The following ZNF804B variants were observed in gnomAD, a reference collection of about 807,000 sequenced individuals.
The protein encoded by ZNF804B is zinc finger 804B.
In ZNF804B, 80 loss-of-function variants were observed where a neutral mutation model predicts 101.4. The observed-to-expected ratio is 0.79, with a 90% CI of 0.66 to 0.95. The LOEUF (loss-of-function observed/expected upper bound fraction) is 0.95, where lower values mean the gene tolerates loss of function less well. ZNF804B is among the 40% of genes least tolerant of loss of function. The pLI is 0.00. For synonymous variants in ZNF804B, 622 were observed against 558.8 expected (o/e 1.11, Z -1.59); for missense variants, 1,673 against 1,561.9 (o/e 1.07, Z -1.20).
chr7:88,829,395 C>A (rs1024599867), intron 1 of ZNF804B, among the ~76,000 whole-genome samples: 36 of 152,108 alleles, frequency 2.4e-4, no homozygotes, highest in Middle Eastern at 3.4e-3. Context: ...TTTAGGAAAT[C>A]TTCTTGGTGG....
chr7:88,841,554 C>G (rs528807219), intron 1 of ZNF804B, among the ~76,000 whole-genome samples: 1 of 152,270 alleles, frequency 6.6e-6, no homozygotes, highest in African/African-American at 2.4e-5. Context: ...TTCCTAGACT[C>G]TTTGTAGCTC....
At chr7:88,918,843 A>G (rs1387582356) in intron 1 of ZNF804B, among the ~76,000 whole-genome samples, 2 of 152,116 alleles carry the variant, frequency 1.3e-5, no homozygotes, top group African/African-American at 2.4e-5. Flanking sequence ...GCTTGGATGT[A>G]TACACATATG....
intron 1 of ZNF804B, among the ~76,000 whole-genome samples, chr7:88,860,354 ATCCT>A (rs1245183090): frequency 6.6e-6 from 1 of 152,068 alleles, no homozygotes; most frequent in African/African-American, 2.4e-5. Flanking sequence ...AGTATATTTT[ATCCT>A]TCCTTTAAAT....
intron 1 of ZNF804B, among the ~76,000 whole-genome samples, chr7:88,765,160 A>G (rs1789962024): frequency 6.6e-6 from 1 of 152,126 alleles, no homozygotes; most frequent in East Asian, 1.9e-4. Context: ...TTTGGCTTTT[A>G]TTAGATTACA....
chr7:89,103,773 A>G (rs776282545), intron 1 of ZNF804B, among the ~76,000 whole-genome samples: 14 of 151,938 alleles, frequency 9.2e-5, no homozygotes, highest in Admixed American at 3.3e-4. Context: ...TATGTTAAAT[A>G]GGAGTGGTGA....
At chr7:89,158,909 T>A (rs2116417073) in intron 1 of ZNF804B, among the ~76,000 whole-genome samples, 1 of 152,294 alleles carries the variant, frequency 6.6e-6, no homozygotes, top group South Asian at 2.1e-4. Flanking sequence ...ATTGTGAACC[T>A]CATCAATAGT....
intron 2 of ZNF804B, among the ~76,000 whole-genome samples, chr7:89,224,986 A>G (rs1407357382): frequency 6.6e-6 from 1 of 152,098 alleles, no homozygotes; most frequent in Non-Finnish European, 1.5e-5. Context: ...AGATATATCA[A>G]GTAGTTTCCT....
intron 2 of ZNF804B, among the ~76,000 whole-genome samples, chr7:89,231,897 C>A (rs1225816907): frequency 6.6e-6 from 1 of 152,016 alleles, no homozygotes; most frequent in Non-Finnish European, 1.5e-5. Context: ...AGTCTTACTT[C>A]TTTCTTTTTG....
intron 1 of ZNF804B, among the ~76,000 whole-genome samples, chr7:88,982,889 C>G (rs750186523): frequency 2.6e-5 from 4 of 152,002 alleles, no homozygotes; most frequent in Non-Finnish European, 5.9e-5. Context: ...TCCAGATCAC[C>G]AAGTCCTCCA....
chr7:89,333,840 C>T lies in ZNF804B; in HGVS notation c.858C>T (p.Ser286=), dbSNP rs1228106632. 5 of 1,613,222 alleles carry T rather than the reference C, an allele frequency of 3.1e-6. No homozygotes were observed. The highest frequency in any genetic ancestry group is 1.7e-5 in the Admixed American group (1 of 59,858). Reference sequence around the variant, plus strand: ...AAAAAGAGGTAAATATCTCACCAAGCCATCTGGAAAGTGTTTTACACAATA... The same window carrying T: ...AAAAAGAGGTAAATATCTCACCAAGTCATCTGGAAAGTGTTTTACACAATA... ...TKEKEVNISP[S]HLESVLHNTI... Residue 286 remains serine, a synonymous_variant, in exon 4 of 4, where the codon AGC becomes AGT. Transcript: ENST00000333190.
intron 1 of ZNF804B, among the ~76,000 whole-genome samples, chr7:89,186,086 A>G (rs746423948): frequency 6.6e-6 from 1 of 152,112 alleles, no homozygotes; most frequent in Non-Finnish European, 1.5e-5. Context: ...GAAGAAAAAT[A>G]TGAAAAATTA....
chr7:89,035,346 C>T (rs1788909462), intron 1 of ZNF804B, among the ~76,000 whole-genome samples: 1 of 152,034 alleles, frequency 6.6e-6, no homozygotes. Flanking sequence ...TTTCATTTTA[C>T]TGTAGTTCAA....
intron 1 of ZNF804B, among the ~76,000 whole-genome samples, chr7:88,862,285 T>C (rs1791661617): frequency 6.6e-6 from 1 of 152,174 alleles, no homozygotes; most frequent in African/African-American, 2.4e-5. Context: ...CAAGGCACCA[T>C]GTCTGACACT....
intron 1 of ZNF804B, among the ~76,000 whole-genome samples, chr7:88,899,629 T>C (rs886394252): frequency 6.6e-6 from 1 of 152,182 alleles, no homozygotes; most frequent in African/African-American, 2.4e-5. Context: ...GATTATTTGC[T>C]TTTTTGTTTA....
chr7:89,089,589 G>T (rs1036853241), intron 1 of ZNF804B, among the ~76,000 whole-genome samples: 1 of 151,522 alleles, frequency 6.6e-6, no homozygotes, highest in Non-Finnish European at 1.5e-5. Context: ...CAATACAAAT[G>T]CACACACATA....
At chr7:88,888,748 C>T (rs181013724) in intron 1 of ZNF804B, among the ~76,000 whole-genome samples, 54 of 152,118 alleles carry the variant, frequency 3.5e-4, no homozygotes, top group Admixed American at 2.9e-3. Context: ...GGATTGTAAT[C>T]CCTGACCCTG....
chr7:89,126,368 C>A (rs1339613366), intron 1 of ZNF804B, among the ~76,000 whole-genome samples: 3 of 151,914 alleles, frequency 2.0e-5, no homozygotes, highest in Non-Finnish European at 4.4e-5. Flanking sequence ...CTGAATTACA[C>A]CGTCTTGAGA....
chr7:89,278,005 G>C (rs568789039), intron 2 of ZNF804B, among the ~76,000 whole-genome samples: 1 of 152,218 alleles, frequency 6.6e-6, no homozygotes, highest in South Asian at 2.1e-4. Flanking sequence ...ATCCTCTCCA[G>C]CACCTGTTGT....
At chr7:89,130,921 G>T (rs1790537145) in intron 1 of ZNF804B, among the ~76,000 whole-genome samples, 1 of 151,928 alleles carries the variant, frequency 6.6e-6, no homozygotes. Flanking sequence ...TTTAGGAACT[G>T]AACGACCAAA....
Sources: allele counts gnomAD v4.1 joint callset (sites outside exome capture counted in the v4.1 genomes callset), GRCh38; gene constraint gnomAD v4.1.1; transcripts MANE v1.5; gene names NCBI Gene and HGNC (gene_info 2026-07-23, HGNC 2026-07-21).